Variants in TNFRSF10A observed in about 807,000 individuals in gnomAD.
TNFRSF10A encodes tumor necrosis factor receptor superfamily member 10A.
Under a neutral mutation model 42.8 loss-of-function variants are expected in TNFRSF10A, and 44 were observed. The ratio of observed to expected loss-of-function variants is 1.03; its 90% CI spans 0.81 to 1.32. TNFRSF10A has a LOEUF of 1.32. Among genes scored for constraint, TNFRSF10A ranks in the 40% most tolerant of loss-of-function variants. The probability of loss-of-function intolerance (pLI) is 0.00; values close to 1 mark genes in which losing one functional copy is unlikely to be tolerated. For missense variants in TNFRSF10A, 680 were observed against 602.0 expected, an observed-to-expected ratio of 1.13 and a Z score of -1.36; for synonymous variants, 259 against 234.2, an observed-to-expected ratio of 1.11 and a Z score of -0.97.
intron 8 of TNFRSF10A, 57 bp from the exon 9 acceptor site, chr8:23,197,261 C>G: frequency 1.2e-6 from 2 of 1,603,584 alleles, no homozygotes; most frequent in Admixed American, 3.3e-5. Context: ...CAGTCTAGTA[C>G]TGACTCTGAC....
At chr8:23,219,363 T>A (rs12056385) in intron 1 of TNFRSF10A, among the ~76,000 whole-genome samples, 1 of 122,324 alleles carries the variant, frequency 8.2e-6, no homozygotes, top group African/African-American at 3.0e-5. Flanking sequence ...AGCACAGGGA[T>A]GGGACCCCGA....
rs58691757 is a variant in TNFRSF10A, at chr8:23,213,436, C to CTTTTTTTTTTTTTTTTTTTT, written c.307-1244_307-1225dup. 1.7e-3 allele frequency among the ~76,000 whole-genome samples: 115 copies of CTTTTTTTTTTTTTTTTTTTT among 68,650 alleles called. 19 individuals are homozygous for CTTTTTTTTTTTTTTTTTTTT. Among genetic ancestry groups the CTTTTTTTTTTTTTTTTTTTT allele is most frequent in the Admixed American group, 2.9e-3 (14 of 4,912 alleles). 45.0% of individuals were successfully genotyped at this position (68,650 alleles called of 152,430 possible). A position where few individuals can be genotyped will look rare whatever the true frequency, so the allele number is the denominator to read the frequency against. On this transcript the variant is annotated intron_variant, in intron 1 of 9. Transcript: ENST00000221132. ...GCTGGTTTGGGCTTAGTTTGCTCCT[C>CTTTTTTTTTTTTTTTTTTTT]TTTTTTTTTTTTTTTTTTTTTTTTT... is the stretch of plus-strand genomic sequence containing the variant.
At chr8:23,199,586 C>T in intron 7 of TNFRSF10A, 138 bp from the exon 8 acceptor site, 1 of 1,117,586 alleles carries the variant, frequency 8.9e-7, no homozygotes, top group Non-Finnish European at 1.3e-6. Context: ...ACATCCAGGA[C>T]CTGCTGCTGG....
chr8:23,204,009 C>T (rs1256391549), intron 2 of TNFRSF10A, among the ~76,000 whole-genome samples: 1 of 152,096 alleles, frequency 6.6e-6, no homozygotes, highest in East Asian at 1.9e-4. Context: ...GATCTCCTGA[C>T]CTCATGATCC....
intron 2 of TNFRSF10A, among the ~76,000 whole-genome samples, chr8:23,204,066 C>T (rs1037261440): frequency 6.6e-6 from 1 of 152,002 alleles, no homozygotes; most frequent in Non-Finnish European, 1.5e-5. Context: ...AGTGAGCCAC[C>T]GTGCCACTGT....
At chr8:23,209,091 G>A (rs960189364) in intron 2 of TNFRSF10A, among the ~76,000 whole-genome samples, 1 of 152,186 alleles carries the variant, frequency 6.6e-6, no homozygotes, top group Non-Finnish European at 1.5e-5. Context: ...AAGGGGCCAA[G>A]GTACAGCTTG....
Position 23,199,388 on chromosome 8 carries a change from C to G in TNFRSF10A, c.892G>C (p.Glu298Gln), listed in dbSNP as rs754090248. The change falls in exon 8 of 10, where the codon GAG (glutamate) becomes CAG (glutamine). Residue 298 changes from glutamate to glutamine, a missense_variant. Physicochemically the swap from Glu to Gln is conservative, Grantham distance 29. Coordinates refer to ENST00000221132, the MANE Select transcript of TNFRSF10A (RefSeq NM_003844.4). ...AGCGAGTCTGCGTTGCTCAGAATCT[C>G]GTTGTGAGCATTGTCCTCAGCCCCA... ...GPGAEDNAHN[E>Q]ILSNADSLST... 2 of 1,614,144 alleles carry G rather than the reference C, an allele frequency of 1.2e-6. No homozygotes were observed. The highest frequency in any genetic ancestry group is 3.3e-5 in the Admixed American group (2 of 60,026).
intron 9 of TNFRSF10A, among the ~76,000 whole-genome samples, chr8:23,192,971 T>C (rs770120175): frequency 5.3e-5 from 8 of 152,226 alleles, no homozygotes; most frequent in Non-Finnish European, 1.2e-4. Flanking sequence ...CCCTCATTCA[T>C]CTTGATTGTT....
At chr8:23,203,882 T>C (rs947517016) in intron 2 of TNFRSF10A, among the ~76,000 whole-genome samples, 1 of 152,000 alleles carries the variant, frequency 6.6e-6, no homozygotes, top group African/African-American at 2.4e-5. Context: ...GTTCAAGCGA[T>C]TCTCCTGCCT....
intron 2 of TNFRSF10A, among the ~76,000 whole-genome samples, chr8:23,207,999 T>C (rs1449033723): frequency 6.6e-6 from 1 of 151,790 alleles, no homozygotes. Flanking sequence ...TGGAACTGCA[T>C]AACAGGCAGA....
intron 2 of TNFRSF10A, among the ~76,000 whole-genome samples, chr8:23,211,251 A>T (rs1226270348): frequency 8.5e-5 from 13 of 152,224 alleles, no homozygotes; most frequent in African/African-American, 2.2e-4. Flanking sequence ...TTATATTTGT[A>T]TACACTCACA....
chr8:23,208,782 A>G (rs1801054031), intron 2 of TNFRSF10A, among the ~76,000 whole-genome samples: 1 of 152,114 alleles, frequency 6.6e-6, no homozygotes, highest in Admixed American at 6.5e-5. Context: ...AGGGAACCAG[A>G]GCATTAAAGT....
intron 1 of TNFRSF10A, among the ~76,000 whole-genome samples, chr8:23,223,857 G>T (rs1173675444): frequency 6.6e-6 from 1 of 152,230 alleles, no homozygotes; most frequent in Non-Finnish European, 1.5e-5. Context: ...CCCGCTCCTG[G>T]CTGCCTGCCT....
chr8:23,199,381 AG>A lies in TNFRSF10A; in HGVS notation c.898del (p.Leu300Ter). 1 of 1,614,210 alleles carries A rather than the reference AG, an allele frequency of 6.2e-7. No homozygotes were observed. The highest frequency in any genetic ancestry group is 1.3e-5 in the African/African-American group (1 of 75,056). ...GAEDNAHNEI[L>X]SNADSLSTFV... The stretch of plus-strand genomic sequence containing the variant: ...AGTGGACAGCGAGTCTGCGTTGCTC[AG>A]AATCTCGTTGTGAGCATTGTCCTCA... On this transcript the variant is annotated frameshift_variant, in exon 8 of 10. Transcript: ENST00000221132. LOFTEE classifies it high-confidence loss of function.
chr8:23,209,822 C>A (rs765471781), intron 2 of TNFRSF10A, among the ~76,000 whole-genome samples: 2 of 152,174 alleles, frequency 1.3e-5, no homozygotes, highest in African/African-American at 2.4e-5. Context: ...CGAGCTAATG[C>A]TGAAATGAGT....
intron 7 of TNFRSF10A, 93 bp from the exon 8 acceptor site, chr8:23,199,541 C>A: frequency 6.9e-7 from 1 of 1,453,472 alleles, no homozygotes; most frequent in South Asian, 1.3e-5. Flanking sequence ...ACCACCCCCT[C>A]CCAGTGAGGT....
In TNFRSF10A at chr8:23,191,056, A is replaced by G. The variant is rs1585277127; in HGVS notation, c.*638T>C. On this transcript the variant is annotated 3_prime_UTR_variant, in exon 10 of 10. Coordinates refer to ENST00000221132, the MANE Select transcript of TNFRSF10A (RefSeq NM_003844.4). The stretch of plus-strand genomic sequence containing the variant: ...CAGTCTGTCGGACGGTGCCCCCCCA[A>G]ATTAAGGGTAGGTCTTTTCCACTCA... 2.0e-5 allele frequency: 3 copies of G among 151,770 alleles called. No homozygotes were observed. The highest frequency in any genetic ancestry group is 2.1e-4 in the South Asian group (1 of 4,806). The allele number at this position is 151,770 out of a possible 1,614,324, so 9.4% of individuals were successfully genotyped here.
rs187401635 is a variant in TNFRSF10A at position 23,209,845 on chromosome 8, G to A, written c.403+2271C>T. On this transcript the variant is annotated intron_variant, in intron 2 of 9. Transcript: ENST00000221132. ...TGCTGAAATGAGTTAAGACTTTGGG[G>A]GACTGTTGGGAAGGCATGATTGGTT... Among the ~76,000 whole-genome samples the A allele has an allele frequency of 1.6e-4, 24 of 152,306 alleles. No homozygotes were observed. The East Asian group carries it at 4.4e-3, about 28-fold the overall frequency.
intron 2 of TNFRSF10A, among the ~76,000 whole-genome samples, chr8:23,208,733 C>T (rs538244116): frequency 3.3e-5 from 5 of 152,040 alleles, no homozygotes; most frequent in East Asian, 1.9e-4. Context: ...TGGGATTACA[C>T]GCATGAGCCA....
Sources: gnomAD v4.1 joint callset for allele counts (sites outside exome capture counted in the v4.1 genomes callset) on GRCh38, gnomAD v4.1.1 for gene constraint, MANE v1.5 for transcripts, NCBI Gene and HGNC (gene_info 2026-07-23, HGNC 2026-07-21) for gene names.